The following TAOK1 variants were observed in gnomAD, a reference collection of about 807,000 sequenced individuals.
TAOK1 encodes the protein serine/threonine-protein kinase TAO1.
TAOK1 carries 21 observed loss-of-function variants against 138.3 expected under a neutral mutation model. That is an observed-to-expected ratio of 0.15 (90% CI 0.11 to 0.22). TAOK1 has a LOEUF of 0.22. TAOK1 is among the 10% of genes least tolerant of loss of function. TAOK1 has a pLI of 1.00. For missense variants in TAOK1, 651 were observed against 1,227.7 expected, an observed-to-expected ratio of 0.53 and a Z score of 7.02; for synonymous variants, 361 against 398.4, an observed-to-expected ratio of 0.91 and a Z score of 1.12.
At chr17:29,476,633 G>C (rs1341347096) in intron 4 of TAOK1, among the ~76,000 whole-genome samples, 1 of 152,016 alleles carries the variant, frequency 6.6e-6, no homozygotes, top group Non-Finnish European at 1.5e-5. Flanking sequence ...AGTATCTGTG[G>C]GGGATTTGGT....
chr17:29,411,486 C>T (rs764664412), intron 1 of TAOK1, among the ~76,000 whole-genome samples: 118 of 150,298 alleles, frequency 7.9e-4, no homozygotes, highest in African/African-American at 6.9e-4. Flanking sequence ...CTGCCTCCCA[C>T]GTTCAAGCAA....
Position 29,534,241 on chromosome 17 carries a change from C to G in TAOK1, c.2485C>G (p.Arg829Gly), listed in dbSNP as rs1359582686. The G allele has an allele frequency of 6.8e-6, 11 of 1,612,950 alleles. No homozygotes were observed. Among genetic ancestry groups the G allele is most frequent in the Non-Finnish European group, 9.3e-6 (11 of 1,179,582 alleles). The change falls in exon 19 of 20, where the codon CGA (arginine) becomes GGA (glycine). Residue 829 changes from arginine to glycine, a missense_variant. Transcript: ENST00000261716. ...IKMQAEAQHD[R>G]ELRELEQRVS... ...GATGCAAGCTGAGGCACAACATGAT[C>G]GAGAGCTTCGCGAGCTTGAACAGAG...
intron 4 of TAOK1, 37 bp downstream of exon 4, chr17:29,475,808 G>A: frequency 6.6e-7 from 1 of 1,517,364 alleles, no homozygotes; most frequent in Non-Finnish European, 9.1e-7. Flanking sequence ...AGTTTTAGCT[G>A]ATTTTGGTTT....
Position 29,522,283 on chromosome 17 carries a change from T to C in TAOK1, c.1912T>C (p.Leu638=). 6.2e-7 allele frequency: 1 copy of C among 1,613,974 alleles called. No individual in the cohort carries two copies. The change falls in exon 17 of 20, where the codon TTA becomes CTA. Residue 638 remains leucine (L), a synonymous_variant. Coordinates refer to ENST00000261716, the MANE Select transcript of TAOK1 (RefSeq NM_020791.4). Reference sequence around the variant, plus strand: ...TGTCTTTTGTGTTATGGATTAGGAGTTAAACAAAAGACAGACTCAGAAGGA... The same window carrying C: ...TGTCTTTTGTGTTATGGATTAGGAGCTAAACAAAAGACAGACTCAGAAGGA... ...NLEQDLVREE[L]NKRQTQKDLE...
chr17:29,502,838 C>A, intron 13 of TAOK1, 115 bp downstream of exon 13: 1 of 1,174,854 alleles, frequency 8.5e-7, no homozygotes, highest in East Asian at 2.5e-5. Flanking sequence ...ACGAAATACT[C>A]ATTTAATATT....
intron 12 of TAOK1, among the ~76,000 whole-genome samples, chr17:29,501,244 AAAAG>A (rs2031521830): frequency 1.4e-5 from 2 of 146,488 alleles, no homozygotes; most frequent in African/African-American, 2.5e-5. Context: ...AAAAAAAAAG[AAAAG>A]AAAAGAAAAA....
At chr17:29,537,106 T>G (rs576490598) in intron 19 of TAOK1, among the ~76,000 whole-genome samples, 1 of 152,346 alleles carries the variant, frequency 6.6e-6, no homozygotes, top group South Asian at 2.1e-4. Context: ...AATGGTGTTA[T>G]GAGAGAAATA....
At chr17:29,397,731 A>C (rs114006099) in intron 1 of TAOK1, among the ~76,000 whole-genome samples, 4,793 of 137,576 alleles carry the variant, frequency 0.035, 279 homozygotes, top group African/African-American at 0.15. Context: ...ATGTATATAC[A>C]TATATACACG....
chr17:29,449,998 T>A (rs1387791470), intron 1 of TAOK1, among the ~76,000 whole-genome samples: 1 of 152,216 alleles, frequency 6.6e-6, no homozygotes, highest in African/African-American at 2.4e-5. Context: ...TTAACCCTCC[T>A]GATTACACTG....
At position 29,451,611 on chromosome 17, in the gene TAOK1, A is replaced by G. The variant is rs1272763110; in HGVS notation, c.63A>G (p.Lys21=). 1 of 1,614,098 alleles carries G rather than the reference A, an allele frequency of 6.2e-7. No individual in the cohort carries two copies. Among genetic ancestry groups the G allele is most frequent in the South Asian group, 1.1e-5 (1 of 91,074 alleles). ...CTGAAATTGCAGAGCTCTTCTTCAA[A>G]GAAGATCCAGAGAAGCTCTTCACAG... is the stretch of plus-strand genomic sequence containing the variant. ...KDPEIAELFF[K]EDPEKLFTDL... Residue 21 remains lysine (K), a synonymous_variant, in exon 2 of 20, where the codon AAA becomes AAG. Coordinates refer to ENST00000261716, the MANE Select transcript of TAOK1 (RefSeq NM_020791.4).
chr17:29,501,698 G>T (rs1429934493), intron 12 of TAOK1, among the ~76,000 whole-genome samples: 1 of 152,138 alleles, frequency 6.6e-6, no homozygotes, highest in Non-Finnish European at 1.5e-5. Context: ...TTGTTTTCAA[G>T]TTATGTTAAA....
At chr17:29,530,050 G>GA (rs1380681378) in intron 17 of TAOK1, among the ~76,000 whole-genome samples, 1 of 151,516 alleles carries the variant, frequency 6.6e-6, no homozygotes, top group Non-Finnish European at 1.5e-5. Flanking sequence ...AAAAGAAAAA[G>GA]AAAAAATGTA....
chr17:29,524,518 C>T (rs1326035301), intron 17 of TAOK1, among the ~76,000 whole-genome samples: 1 of 152,146 alleles, frequency 6.6e-6, no homozygotes, highest in South Asian at 2.1e-4. Flanking sequence ...AATAAAGCTT[C>T]GTTATCATAG....
chr17:29,467,902 C>G (rs2030712040), intron 3 of TAOK1, among the ~76,000 whole-genome samples: 1 of 151,386 alleles, frequency 6.6e-6, no homozygotes, highest in Non-Finnish European at 1.5e-5. Context: ...TGGCTCACTG[C>G]AACCTTCGCC....
chr17:29,530,555 G>A lies in TAOK1; in HGVS notation c.2297G>A (p.Arg766Gln), dbSNP rs1222196472. ...VLKRLKEEQT[R>Q]KLAILAEQYD... ...AAACGGCTCAAGGAGGAACAGACCC[G>A]GAAATTAGCTATCTTGGCTGAGCAG... is the stretch of plus-strand genomic sequence containing the variant. The change falls in exon 18 of 20, where the codon CGG becomes CAG. Residue 766 changes from arginine to glutamine, a missense_variant. Physicochemically the swap from Arg to Gln is conservative, Grantham distance 43 (BLOSUM62 1). Coordinates refer to ENST00000261716, the MANE Select transcript of TAOK1 (RefSeq NM_020791.4). 6.2e-7 allele frequency: 1 copy of A among 1,614,078 alleles called. No individual in the cohort carries two copies. The highest frequency in any genetic ancestry group is 8.5e-7 in the Non-Finnish European group (1 of 1,180,028).
At chr17:29,459,616 A>C (rs931180403) in intron 2 of TAOK1, among the ~76,000 whole-genome samples, 8 of 152,100 alleles carry the variant, frequency 5.3e-5, no homozygotes, top group Admixed American at 4.6e-4. Flanking sequence ...TCATTGTATA[A>C]ATGTACCACA....
At chr17:29,526,485 G>A (rs577167322) in intron 17 of TAOK1, among the ~76,000 whole-genome samples, 11 of 152,010 alleles carry the variant, frequency 7.2e-5, no homozygotes, top group South Asian at 6.2e-4. Flanking sequence ...GCGCAATCTC[G>A]GCTCACTGCA....
At chr17:29,396,064 T>C (rs1455413920) in intron 1 of TAOK1, among the ~76,000 whole-genome samples, 1 of 152,138 alleles carries the variant, frequency 6.6e-6, no homozygotes, top group African/African-American at 2.4e-5. Flanking sequence ...TATTAGTTCA[T>C]TCCATTCTTA....
intron 1 of TAOK1, among the ~76,000 whole-genome samples, chr17:29,397,852 T>C (rs142074500): frequency 6.6e-6 from 1 of 151,850 alleles, no homozygotes; most frequent in African/African-American, 2.4e-5. Context: ...TATATATATG[T>C]ATGTCACCAT....
Sources: gnomAD v4.1 joint callset for allele counts (sites outside exome capture counted in the v4.1 genomes callset) on GRCh38, gnomAD v4.1.1 for gene constraint, MANE v1.5 for transcripts, NCBI Gene and HGNC (gene_info 2026-07-23, HGNC 2026-07-21) for gene names.